Variants in LRRTM4 observed in about 807,000 individuals in gnomAD.
The protein encoded by LRRTM4 is leucine rich repeat transmembrane neuronal 4, also known as leucine-rich repeat transmembrane neuronal protein 4.
A neutral mutation model predicts 47.6 loss-of-function variants in LRRTM4; 25 were observed. That is an observed-to-expected ratio of 0.53 (90% CI 0.38 to 0.73). The LOEUF is 0.73. Among genes scored for constraint, LRRTM4 ranks in the 30% least tolerant of loss-of-function variants. LRRTM4 has a pLI of 0.00. For synonymous variants in LRRTM4, 311 were observed against 269.5 expected (o/e 1.15, Z -1.51); for missense variants, 638 against 713.4 (o/e 0.89, Z 1.20).
intron 3 of LRRTM4, among the ~76,000 whole-genome samples, chr2:77,113,950 C>A (rs941463365): frequency 1.3e-5 from 2 of 151,880 alleles, no homozygotes; most frequent in African/African-American, 4.8e-5. Context: ...AGCGGCTCTT[C>A]GGGAAATAAA....
intron 3 of LRRTM4, among the ~76,000 whole-genome samples, chr2:77,359,010 A>G (rs1672077161): frequency 6.6e-6 from 1 of 152,138 alleles, no homozygotes; most frequent in Non-Finnish European, 1.5e-5. Flanking sequence ...AATTATATTA[A>G]TCCTTTATTT....
At chr2:77,360,301 C>CA (rs1326785105) in intron 3 of LRRTM4, among the ~76,000 whole-genome samples, 3 of 151,850 alleles carry the variant, frequency 2.0e-5, no homozygotes, top group African/African-American at 7.3e-5. Context: ...ACTAAAAATA[C>CA]AAAAAATTAG....
chr2:76,952,792 G>C (rs142172513), intron 3 of LRRTM4, among the ~76,000 whole-genome samples: 1 of 151,176 alleles, frequency 6.6e-6, no homozygotes, highest in Non-Finnish European at 1.5e-5. Flanking sequence ...TACCAATCTC[G>C]ATGTCCGCCA....
intron 3 of LRRTM4, among the ~76,000 whole-genome samples, chr2:76,940,952 T>C (rs1675121451): frequency 1.3e-5 from 2 of 152,212 alleles, no homozygotes; most frequent in Admixed American, 1.3e-4. Flanking sequence ...TATTGACTTC[T>C]TACCACTTTT....
chr2:77,148,473 C>G (rs189507763), intron 3 of LRRTM4, among the ~76,000 whole-genome samples: 1 of 152,050 alleles, frequency 6.6e-6, no homozygotes, highest in South Asian at 2.1e-4. Context: ...GGCATTGCCC[C>G]AAACACAAAC....
chr2:77,136,025 T>A (rs1572996804), intron 3 of LRRTM4, among the ~76,000 whole-genome samples: 2 of 151,940 alleles, frequency 1.3e-5, no homozygotes, highest in African/African-American at 2.4e-5. Flanking sequence ...ATGGCGGCGG[T>A]TCCAAGATGG....
intron 3 of LRRTM4, among the ~76,000 whole-genome samples, chr2:77,054,111 A>T (rs181423718): frequency 6.5e-4 from 98 of 151,792 alleles, no homozygotes; most frequent in African/African-American, 2.2e-3. Flanking sequence ...CGTCCAAAAC[A>T]TGGGGAAACC....
chr2:77,229,154 TA>T (rs1326977505), intron 3 of LRRTM4, among the ~76,000 whole-genome samples: 1 of 152,090 alleles, frequency 6.6e-6, no homozygotes, highest in East Asian at 1.9e-4. Context: ...TTTTCCTACC[TA>T]CTTATTCTTT....
chr2:77,078,384 A>C (rs1343044281), intron 3 of LRRTM4, among the ~76,000 whole-genome samples: 6 of 95,004 alleles, frequency 6.3e-5, no homozygotes, highest in African/African-American at 4.1e-4. Flanking sequence ...ACACACCCAC[A>C]CACACACACA....
At chr2:77,311,108 G>A (rs1326745254) in intron 3 of LRRTM4, among the ~76,000 whole-genome samples, 1 of 152,048 alleles carries the variant, frequency 6.6e-6, no homozygotes, top group African/African-American at 2.4e-5. Context: ...AAGTAGGAAT[G>A]TGGTAATGTA....
intron 3 of LRRTM4, among the ~76,000 whole-genome samples, chr2:77,090,759 C>G (rs987734493): frequency 4.6e-5 from 7 of 152,186 alleles, no homozygotes; most frequent in Admixed American, 4.6e-4. Flanking sequence ...GACTGTTCAA[C>G]TTACCTGGCA....
intron 3 of LRRTM4, among the ~76,000 whole-genome samples, chr2:76,753,988 G>T (rs920571555): frequency 2.6e-5 from 4 of 152,026 alleles, no homozygotes; most frequent in Non-Finnish European, 5.9e-5. Context: ...CACGAACATT[G>T]TTCACATTTC....
intron 3 of LRRTM4, among the ~76,000 whole-genome samples, chr2:77,274,189 A>T (rs1676279601): frequency 1.3e-5 from 2 of 152,080 alleles, no homozygotes; most frequent in Non-Finnish European, 2.9e-5. Context: ...TTTGGCAACC[A>T]GGCAAGATAT....
At chr2:77,436,021 C>A (rs796278360) in intron 3 of LRRTM4, among the ~76,000 whole-genome samples, 55 of 152,170 alleles carry the variant, frequency 3.6e-4, no homozygotes, top group African/African-American at 1.3e-3. Context: ...AGCATCCATT[C>A]TTAGATAATT....
intron 3 of LRRTM4, among the ~76,000 whole-genome samples, chr2:77,469,692 ATT>A (rs911117064): frequency 1.3e-4 from 19 of 151,806 alleles, no homozygotes; most frequent in Non-Finnish European, 2.4e-4. Flanking sequence ...AGATGATTGA[ATT>A]TTTTTTATCT....
chr2:77,209,440 C>A (rs368146040), intron 3 of LRRTM4, among the ~76,000 whole-genome samples: 134 of 147,462 alleles, frequency 9.1e-4, no homozygotes, highest in African/African-American at 1.1e-3. Flanking sequence ...AAAAAAAAAA[C>A]AAAAAACCAA....
At chr2:77,478,953 G>C in intron 3 of LRRTM4, among the ~76,000 whole-genome samples, 1 of 152,010 alleles carries the variant, frequency 6.6e-6, no homozygotes, top group Admixed American at 6.6e-5. Context: ...GGAGTGCAAT[G>C]GTGCGATCTA....
intron 3 of LRRTM4, among the ~76,000 whole-genome samples, chr2:77,293,631 G>GA (rs1178649986): frequency 1.3e-5 from 2 of 152,048 alleles, no homozygotes; most frequent in Admixed American, 1.3e-4. Flanking sequence ...ATATTTTTGT[G>GA]AAAAAACATT....
At chr2:76,856,308 T>A (rs1419650791) in intron 3 of LRRTM4, among the ~76,000 whole-genome samples, 1 of 152,006 alleles carries the variant, frequency 6.6e-6, no homozygotes, top group Non-Finnish European at 1.5e-5. Context: ...TAAAAAAAAG[T>A]ATAAATTTTG....
Sources: allele counts gnomAD v4.1 joint callset (sites outside exome capture counted in the v4.1 genomes callset), GRCh38; gene constraint gnomAD v4.1.1; transcripts MANE v1.5; gene names NCBI Gene and HGNC (gene_info 2026-07-23, HGNC 2026-07-21).